The following SOX5 variants were observed in gnomAD, a reference collection of about 807,000 sequenced individuals.
SOX5 encodes the protein transcription factor SOX-5.
SOX5 carries 9 observed loss-of-function variants against 92.0 expected under a neutral mutation model. The observed-to-expected ratio is 0.10, with a 90% CI of 0.06 to 0.17. The LOEUF is 0.17. SOX5 is among the 10% of genes least tolerant of loss of function. The pLI is 1.00. For synonymous variants in SOX5, 344 were observed against 336.3 expected, an observed-to-expected ratio of 1.02 and a Z score of -0.25; for missense variants, 642 against 944.5, an observed-to-expected ratio of 0.68 and a Z score of 4.20.
chr12:24,072,772 C>T (rs570351017), intron 4 of SOX5, among the ~76,000 whole-genome samples: 1 of 152,268 alleles, frequency 6.6e-6, no homozygotes, highest in East Asian at 1.9e-4. Context: ...TAAAAATTAG[C>T]TATAAAAATA....
chr12:24,400,041 C>T (rs1566073031), intron 1 of SOX5, among the ~76,000 whole-genome samples: 3 of 152,146 alleles, frequency 2.0e-5, no homozygotes, highest in African/African-American at 7.2e-5. Flanking sequence ...AAAGATAAAA[C>T]ATAAACTTTC....
At chr12:24,157,836 G>A (rs574887921) in intron 4 of SOX5, among the ~76,000 whole-genome samples, 6 of 152,154 alleles carry the variant, frequency 3.9e-5, no homozygotes, top group Middle Eastern at 3.4e-3. Flanking sequence ...ACATGGCGCC[G>A]CACATGGGCT....
intron 8 of SOX5, among the ~76,000 whole-genome samples, chr12:23,635,225 G>A (rs1254119761): frequency 1.3e-5 from 2 of 152,112 alleles, no homozygotes; most frequent in African/African-American, 2.4e-5. Flanking sequence ...GGTGAGTAAT[G>A]GGGTTATTTC....
At chr12:23,960,244 C>A (rs908087724) in intron 4 of SOX5, among the ~76,000 whole-genome samples, 2 of 151,904 alleles carry the variant, frequency 1.3e-5, no homozygotes, top group African/African-American at 4.8e-5. Flanking sequence ...ACAGAGAGAA[C>A]GGGGTTGTTA....
intron 10 of SOX5, among the ~76,000 whole-genome samples, chr12:23,573,894 A>G (rs1948740326): frequency 6.6e-6 from 1 of 152,146 alleles, no homozygotes; most frequent in Non-Finnish European, 1.5e-5. Context: ...ATAATAATAA[A>G]TGTTAAACAA....
chr12:23,927,292 C>G (rs915690091), intron 1 of SOX5, among the ~76,000 whole-genome samples: 3 of 152,076 alleles, frequency 2.0e-5, no homozygotes, highest in Non-Finnish European at 4.4e-5. Context: ...CTATCCTTTC[C>G]ACTGGAGGTA....
At chr12:23,811,856 T>C (rs982198483) in intron 3 of SOX5, among the ~76,000 whole-genome samples, 3 of 152,060 alleles carry the variant, frequency 2.0e-5, no homozygotes, top group Admixed American at 1.3e-4. Context: ...TAATTTGTAA[T>C]AAACCAGAAA....
intron 6 of SOX5, among the ~76,000 whole-genome samples, chr12:23,682,517 G>A (rs1791465752): frequency 6.6e-6 from 1 of 151,722 alleles, no homozygotes; most frequent in African/African-American, 2.4e-5. Flanking sequence ...GTGGGTGGTT[G>A]GCAGGAATTA....
chr12:23,610,220 A>G (rs1020007042), intron 8 of SOX5, among the ~76,000 whole-genome samples: 3 of 152,188 alleles, frequency 2.0e-5, no homozygotes, highest in African/African-American at 7.2e-5. Flanking sequence ...CAGCTTATTT[A>G]AATTCTAAGC....
At chr12:23,971,826 T>C (rs1948372815) in intron 4 of SOX5, among the ~76,000 whole-genome samples, 1 of 152,170 alleles carries the variant, frequency 6.6e-6, no homozygotes, top group South Asian at 2.1e-4. Flanking sequence ...TGAAAGCTGC[T>C]GAGTGCTAAA....
chr12:24,347,899 C>T (rs922120566), intron 2 of SOX5, among the ~76,000 whole-genome samples: 6 of 152,192 alleles, frequency 3.9e-5, no homozygotes, highest in African/African-American at 1.2e-4. Flanking sequence ...GACCTGGCCC[C>T]AGAAAACTTC....
At chr12:23,875,714 G>A (rs946094019) in intron 2 of SOX5, among the ~76,000 whole-genome samples, 4 of 152,122 alleles carry the variant, frequency 2.6e-5, no homozygotes, top group Non-Finnish European at 5.9e-5. Context: ...AGCAATGCTA[G>A]GTTGAGATTA....
chr12:24,006,360 G>C (rs145927770), intron 4 of SOX5, among the ~76,000 whole-genome samples: 3 of 152,228 alleles, frequency 2.0e-5, no homozygotes, highest in Middle Eastern at 3.4e-3. Context: ...ATTTCTTCTT[G>C]TTGTCCTTAC....
chr12:24,336,735 C>A (rs1306016338), intron 2 of SOX5, among the ~76,000 whole-genome samples: 2 of 152,098 alleles, frequency 1.3e-5, no homozygotes. Flanking sequence ...CTGTTAAAGA[C>A]ATATGAAATA....
chr12:24,005,928 G>A (rs1952108130), intron 4 of SOX5, among the ~76,000 whole-genome samples: 1 of 152,104 alleles, frequency 6.6e-6, no homozygotes, highest in African/African-American at 2.4e-5. Context: ...CTTTTCTTAT[G>A]GAATAAAATA....
chr12:23,994,159 A>T (rs79161956), intron 4 of SOX5, among the ~76,000 whole-genome samples: 2,294 of 152,128 alleles, frequency 0.015, 61 homozygotes, highest in African/African-American at 0.052. Context: ...AACAAGAAAA[A>T]GGAATGTTTC....
intron 3 of SOX5, among the ~76,000 whole-genome samples, chr12:24,242,285 T>C (rs1393156539): frequency 6.6e-6 from 1 of 152,204 alleles, no homozygotes; most frequent in East Asian, 1.9e-4. Context: ...TGGCTATAAA[T>C]ACTGCACCTC....
intron 1 of SOX5, among the ~76,000 whole-genome samples, chr12:24,426,724 T>C (rs1429877654): frequency 6.6e-6 from 1 of 152,192 alleles, no homozygotes; most frequent in African/African-American, 2.4e-5. Flanking sequence ...TGCCCCATAG[T>C]ACACAGAAAG....
At chr12:24,247,680 T>C (rs1228110506) in intron 3 of SOX5, among the ~76,000 whole-genome samples, 1 of 150,388 alleles carries the variant, frequency 6.6e-6, no homozygotes, top group Non-Finnish European at 1.5e-5. Flanking sequence ...AGGCGGAGTT[T>C]TGCTCTGTCA....
Sources: allele counts gnomAD v4.1 joint callset (sites outside exome capture counted in the v4.1 genomes callset), GRCh38; gene constraint gnomAD v4.1.1; transcripts MANE v1.5; gene names NCBI Gene and HGNC (gene_info 2026-07-23, HGNC 2026-07-21).